TRPC7: variants seen among roughly 807,000 people sequenced by gnomAD.
TRPC7 encodes transient receptor potential cation channel subfamily C member 7.
TRPC7 carries 42 observed loss-of-function variants against 90.1 expected under a neutral mutation model. The observed-to-expected ratio is 0.47, with a 90% CI of 0.36 to 0.60. The LOEUF is 0.60. Ranked by LOEUF, TRPC7 falls within the 20% of genes least tolerant of loss-of-function variation. The pLI is 0.00. For synonymous variants in TRPC7, 451 were observed against 436.3 expected (o/e 1.03, Z -0.42); for missense variants, 955 against 1,112.3 (o/e 0.86, Z 2.01).
At chr5:136,254,415 C>G (rs957909669) in intron 5 of TRPC7, among the ~76,000 whole-genome samples, 1 of 152,114 alleles carries the variant, frequency 6.6e-6, no homozygotes, top group African/African-American at 2.4e-5. Context: ...GTTCATGTAC[C>G]ATTCCAAACC....
intron 11 of TRPC7, among the ~76,000 whole-genome samples, chr5:136,215,110 T>C (rs976050922): frequency 2.0e-5 from 3 of 152,138 alleles, no homozygotes; most frequent in African/African-American, 7.2e-5. Flanking sequence ...CAGCTAGTTC[T>C]GAGGTGGGGA....
At chr5:136,299,334 TGTGTGC>T (rs1211858097) in intron 3 of TRPC7, among the ~76,000 whole-genome samples, 2 of 86,776 alleles carry the variant, frequency 2.3e-5, no homozygotes, top group Admixed American at 1.0e-4. Context: ...CTGACTGGGG[TGTGTGC>T]GTGTGTGTGT....
At chr5:136,299,017 AG>A (rs1758278985) in intron 3 of TRPC7, among the ~76,000 whole-genome samples, 1 of 151,964 alleles carries the variant, frequency 6.6e-6, no homozygotes, top group African/African-American at 2.4e-5. Flanking sequence ...AAAAAAAATC[AG>A]GCTGGGCACA....
At position 136,218,375 on chromosome 5, in the gene TRPC7, T is replaced by A. The variant is rs1755345284; in HGVS notation, c.2344-2100A>T. On this transcript the variant is annotated intron_variant, in intron 10 of 11. Transcript: ENST00000513104. ...TCTGTCATTCTTGCTGAATAAGAAA[T>A]TCAGAAGTGTTCTTCCACTGCAATC... 2.0e-5 allele frequency among the ~76,000 whole-genome samples: 3 copies of A among 151,878 alleles called. No homozygotes were observed. The South Asian group carries it at 6.2e-4, about 32-fold the overall frequency.
At chr5:136,315,255 G>A (rs893934107) in intron 3 of TRPC7, among the ~76,000 whole-genome samples, 9 of 152,186 alleles carry the variant, frequency 5.9e-5, no homozygotes, top group Non-Finnish European at 1.2e-4. Context: ...GAGAAGACTT[G>A]GGAACTGTGT....
chr5:136,287,342 G>C (rs1757754849), intron 3 of TRPC7, among the ~76,000 whole-genome samples: 1 of 149,822 alleles, frequency 6.7e-6, no homozygotes, highest in Non-Finnish European at 1.5e-5. Context: ...GGGGGGATTA[G>C]GGCTTGGTGA....
intron 4 of TRPC7, among the ~76,000 whole-genome samples, chr5:136,271,876 T>C (rs148746768): frequency 7.1e-4 from 108 of 152,164 alleles, no homozygotes; most frequent in Non-Finnish European, 1.4e-3. Context: ...TTAGGGACCC[T>C]CAGAAACAAT....
In TRPC7 at chr5:136,356,995, G is replaced by T; in HGVS notation, c.393C>A (p.Phe131Leu). The T allele has an allele frequency of 6.2e-7, 1 of 1,612,512 alleles. No individual in the cohort carries two copies. Among genetic ancestry groups the T allele is most frequent in the Non-Finnish European group, 8.5e-7 (1 of 1,179,812 alleles). The change falls in exon 2 of 12, where the codon TTC (phenylalanine) becomes TTA (leucine). Residue 131 changes from phenylalanine (F) to leucine (L), a missense_variant. By Grantham distance (22) the Phe-to-Leu change is conservative. Coordinates refer to ENST00000513104, the MANE Select transcript of TRPC7 (RefSeq NM_020389.3). ...TGAGCGTCAGGCGCTGGCCCTGCGC[G>T]AAGGCCGGGTGGTTGAGGATGGCCT... Reference protein sequence around the residue: ...IVEAILNHPAFAQGQRLTLSP... With the variant: ...IVEAILNHPALAQGQRLTLSP...
At chr5:136,338,012 G>GT (rs1348991292) in intron 2 of TRPC7, among the ~76,000 whole-genome samples, 1 of 152,190 alleles carries the variant, frequency 6.6e-6, no homozygotes, top group Non-Finnish European at 1.5e-5. Flanking sequence ...TGCATTGTGA[G>GT]TAAGTGCGTC....
chr5:136,318,125 A>G, intron 2 of TRPC7, among the ~76,000 whole-genome samples: 1 of 152,206 alleles, frequency 6.6e-6, no homozygotes, highest in East Asian at 1.9e-4. Context: ...AGGTACATGA[A>G]TGGAAGCAGA....
chr5:136,265,664 C>A (rs1347387172), intron 5 of TRPC7, among the ~76,000 whole-genome samples: 1 of 152,076 alleles, frequency 6.6e-6, no homozygotes, highest in East Asian at 1.9e-4. Context: ...CTTGGCAGCT[C>A]CAGTGGCAGA....
intron 8 of TRPC7, 49 bp from the exon 9 acceptor site, chr5:136,226,304 C>T (rs529754841): frequency 8.9e-6 from 12 of 1,354,772 alleles, no homozygotes; most frequent in Non-Finnish European, 1.1e-5. Flanking sequence ...CACGATTTAA[C>T]AACGGAGCCC....
rs1760696059 is a variant in TRPC7, at chr5:136,365,503, A to G, written c.-249T>C. 1.8e-6 allele frequency: 1 copy of G among 567,940 alleles called. No individual in the cohort carries two copies. Among genetic ancestry groups the G allele is most frequent in the Non-Finnish European group, 3.1e-6 (1 of 319,330 alleles). The allele number at this position is 567,940 out of a possible 1,614,324, so 35.2% of individuals were successfully genotyped here. ...TACCGTCCTTTTCCTAATCGGGGGG[A>G]AATTTCCCAGAGAACATGACGGAGA... On this transcript the variant is annotated 5_prime_UTR_variant, in exon 1 of 12. Transcript: ENST00000513104.
At chr5:136,342,018 C>A (rs1340834940) in intron 2 of TRPC7, among the ~76,000 whole-genome samples, 1 of 152,130 alleles carries the variant, frequency 6.6e-6, no homozygotes. Context: ...AAAAACAGCC[C>A]TTACCAATTT....
At position 136,247,509 on chromosome 5, in the gene TRPC7, A is replaced by G. The variant is rs776784516; in HGVS notation, c.1806T>C (p.Ser602=). Residue 602 remains serine (S), a synonymous_variant, in exon 7 of 12, where the codon TCT becomes TCC. Transcript: ENST00000513104. The surrounding 1 kb of genome is among the most constrained non-coding windows in gnomAD (Gnocchi z 4.2). ...GGTTGTATTTGGCACCTCGGTAGTAAGAGTACAGGTTGAACATCCCAATCA... is the reference window on the plus strand; with the variant it reads ...GGTTGTATTTGGCACCTCGGTAGTAGGAGTACAGGTTGAACATCCCAATCA... ...AFMIGMFNLY[S]YYRGAKYNPA... 3 of 1,613,960 alleles carry G rather than the reference A, an allele frequency of 1.9e-6. No individual in the cohort carries two copies. The highest frequency in any genetic ancestry group is 1.7e-6 in the Non-Finnish European group (2 of 1,179,842).
chr5:136,353,413 C>T (rs140793516), intron 2 of TRPC7, among the ~76,000 whole-genome samples: 49 of 152,256 alleles, frequency 3.2e-4, no homozygotes, highest in African/African-American at 1.0e-3. Context: ...CAATGAGAAT[C>T]TGATAGTTTT....
Position 136,265,537 on chromosome 5 carries a change from A to G in TRPC7, c.1345+683T>C, listed in dbSNP as rs76498246. ...TCTATAACACATTTTGCCACGTTCA[A>G]TTTTAGTCACTGCCAGTTTTATTTT... On this transcript the variant is annotated intron_variant, in intron 5 of 11. Transcript: ENST00000513104. 3.7e-4 allele frequency among the ~76,000 whole-genome samples: 56 copies of G among 152,192 alleles called. No homozygotes were observed. The East Asian group carries it at 9.9e-3, about 27-fold the overall frequency.
At chr5:136,294,194 G>T (rs983259897) in intron 3 of TRPC7, among the ~76,000 whole-genome samples, 1 of 152,162 alleles carries the variant, frequency 6.6e-6, no homozygotes, top group African/African-American at 2.4e-5. Flanking sequence ...AACCCTAGAA[G>T]AAAACCAAGG....
intron 2 of TRPC7, among the ~76,000 whole-genome samples, chr5:136,317,071 A>G (rs1006012092): frequency 2.6e-5 from 4 of 152,222 alleles, no homozygotes; most frequent in African/African-American, 9.6e-5. Flanking sequence ...TGCTGGGAAA[A>G]GGGAAAAGAT....
Sources: allele counts gnomAD v4.1 joint callset (sites outside exome capture counted in the v4.1 genomes callset), GRCh38; gene constraint gnomAD v4.1.1; non-coding constraint Gnocchi (gnomAD v3.1); transcripts MANE v1.5; gene names NCBI Gene and HGNC (gene_info 2026-07-23, HGNC 2026-07-21).